CUX1: variants seen among roughly 807,000 people sequenced by gnomAD.
CUX1 encodes cut like homeobox 1, also known as protein CASP.
In CUX1, 31 loss-of-function variants were observed where a neutral mutation model predicts 158.8. The ratio of observed to expected loss-of-function variants is 0.20; its 90% CI spans 0.15 to 0.26. CUX1 has a LOEUF of 0.26. Among genes scored for constraint, CUX1 ranks in the 10% least tolerant of loss-of-function variants. The pLI, the probability that CUX1 is intolerant of heterozygous loss-of-function variation, is 1.00. For missense variants in CUX1, 1,589 were observed against 2,014.6 expected, an observed-to-expected ratio of 0.79 and a Z score of 4.04; for synonymous variants, 879 against 862.1, an observed-to-expected ratio of 1.02 and a Z score of -0.34.
At chr7:102,008,731 G>A (rs1817662606) in intron 2 of CUX1, among the ~76,000 whole-genome samples, 1 of 152,182 alleles carries the variant, frequency 6.6e-6, no homozygotes, top group Non-Finnish European at 1.5e-5. Flanking sequence ...ACATGGGGTA[G>A]GGCCTGAACA....
intron 8 of CUX1, among the ~76,000 whole-genome samples, chr7:102,150,597 G>T (rs1835537194): frequency 6.6e-6 from 1 of 152,200 alleles, no homozygotes; most frequent in South Asian, 2.1e-4. Flanking sequence ...TGCTTATTTG[G>T]GTATTGAAAT....
intron 1 of CUX1, among the ~76,000 whole-genome samples, chr7:101,890,542 CT>C (rs541713515): frequency 1.2e-3 from 177 of 151,998 alleles, no homozygotes; most frequent in Admixed American, 1.8e-3. Flanking sequence ...CAGGTTTGTT[CT>C]TGGGATCAGA....
At chr7:102,216,516 A>G (rs117802396) in intron 20 of CUX1, among the ~76,000 whole-genome samples, 28,073 of 77,720 alleles carry the variant, frequency 0.36, 3,883 homozygotes, top group Non-Finnish European at 0.47. Flanking sequence ...GTGTGCGCGC[A>G]CACACACACT....
intron 1 of CUX1, among the ~76,000 whole-genome samples, chr7:101,867,360 C>A (rs1268541332): frequency 6.6e-6 from 1 of 152,206 alleles, no homozygotes; most frequent in African/African-American, 2.4e-5. Flanking sequence ...CTGCCCCAGG[C>A]ATCAAGGGAG....
At chr7:102,177,430 GAAAAGA>G (rs1487192424) in intron 10 of CUX1, among the ~76,000 whole-genome samples, 3 of 138,834 alleles carry the variant, frequency 2.2e-5, no homozygotes, top group South Asian at 4.6e-4. Flanking sequence ...AAAAAAAAAA[GAAAAGA>G]AAAAGAAAAT....
At chr7:101,898,912 T>G (rs1461929190) in intron 1 of CUX1, among the ~76,000 whole-genome samples, 1 of 152,226 alleles carries the variant, frequency 6.6e-6, no homozygotes, top group African/African-American at 2.4e-5. Context: ...ATAGTTACAC[T>G]AGCTTGGAAG....
chr7:102,083,467 C>A lies in CUX1; in HGVS notation c.268+13050C>A, dbSNP rs192195818. ...GACTACAGGCATGTGCCACCACACC[C>A]GATTAATTTTTTGTTTTTTCTAGAC... On this transcript the variant is annotated intron_variant, in intron 4 of 23. Coordinates refer to ENST00000292535, the MANE Select transcript of CUX1 (RefSeq NM_181552.4). Among the ~76,000 whole-genome samples the A allele has an allele frequency of 5.5e-5, 8 of 146,462 alleles. 1 individual carries two copies.
At chr7:102,039,661 A>C (rs569413929) in intron 3 of CUX1, among the ~76,000 whole-genome samples, 13 of 125,218 alleles carry the variant, frequency 1.0e-4, no homozygotes, top group African/African-American at 4.5e-4. Flanking sequence ...TCTCTATTTC[A>C]AAAAAAAAAA....
chr7:102,274,207 G>A, intron 15 of CUX1: 1 of 1,591,706 alleles, frequency 6.3e-7, no homozygotes, highest in South Asian at 1.1e-5. Flanking sequence ...TGCCCATTGT[G>A]CGGAGGCACC....
chr7:102,282,828 C>A, intron 22 of CUX1: 1 of 1,360,632 alleles, frequency 7.3e-7, no homozygotes, highest in Non-Finnish European at 1.0e-6. Context: ...GCTCCCAGCA[C>A]CCCCGCAACA....
At chr7:102,223,145 G>A (rs76730611) in intron 20 of CUX1, among the ~76,000 whole-genome samples, 3 of 151,732 alleles carry the variant, frequency 2.0e-5, no homozygotes, top group Admixed American at 6.6e-5. Context: ...GGAAGTGGCC[G>A]GGCACAGTGG....
chr7:102,080,901 C>G (rs1827308833), intron 4 of CUX1, among the ~76,000 whole-genome samples: 1 of 152,238 alleles, frequency 6.6e-6, no homozygotes, highest in African/African-American at 2.4e-5. Context: ...AAGCCCTAGA[C>G]TGGCCCCGAC....
chr7:101,955,689 C>T (rs1022402826), intron 2 of CUX1, among the ~76,000 whole-genome samples: 12 of 152,126 alleles, frequency 7.9e-5, no homozygotes, highest in Non-Finnish European at 1.5e-4. Context: ...GATGGTGCTA[C>T]GGGGCTAAAG....
intron 8 of CUX1, among the ~76,000 whole-genome samples, chr7:102,136,836 T>C (rs1833962005): frequency 6.6e-6 from 1 of 152,272 alleles, no homozygotes; most frequent in Non-Finnish European, 1.5e-5. Flanking sequence ...TGCTATGTTA[T>C]TTTAATTCCC....
At chr7:101,956,667 C>T (rs1809819108) in intron 2 of CUX1, among the ~76,000 whole-genome samples, 1 of 152,222 alleles carries the variant, frequency 6.6e-6, no homozygotes, top group South Asian at 2.1e-4. Flanking sequence ...TTAAAGCCGC[C>T]TGGGCACAGT....
intron 4 of CUX1, among the ~76,000 whole-genome samples, chr7:102,073,542 A>T (rs978336980): frequency 6.6e-6 from 1 of 152,124 alleles, no homozygotes; most frequent in Non-Finnish European, 1.5e-5. Context: ...ATTTTTCCCT[A>T]GTGAAATTTT....
chr7:102,131,492 T>TAA (rs782286192), intron 8 of CUX1, among the ~76,000 whole-genome samples: 1 of 132,990 alleles, frequency 7.5e-6, no homozygotes. Context: ...AATTTCTGTT[T>TAA]AAAAAAAAAA....
intron 20 of CUX1, among the ~76,000 whole-genome samples, chr7:102,210,095 C>CGTTTCT (rs1796370133): frequency 6.6e-6 from 1 of 151,670 alleles, no homozygotes; most frequent in Admixed American, 6.6e-5. Context: ...CTTTTTTATT[C>CGTTTCT]GTTTTTGTTT....
chr7:101,976,268 G>A (rs972841087), intron 2 of CUX1, among the ~76,000 whole-genome samples: 55 of 152,222 alleles, frequency 3.6e-4, no homozygotes, highest in African/African-American at 1.3e-3. Flanking sequence ...TAGATTTCTA[G>A]TGTTTCACTT....
Sources: gnomAD v4.1 joint callset for allele counts (sites outside exome capture counted in the v4.1 genomes callset) on GRCh38, gnomAD v4.1.1 for gene constraint, MANE v1.5 for transcripts, NCBI Gene and HGNC (gene_info 2026-07-23, HGNC 2026-07-21) for gene names.